The following DLG2 variants were observed in gnomAD, a reference collection of about 807,000 sequenced individuals.
The protein encoded by DLG2 is discs large MAGUK scaffold protein 2.
A neutral mutation model predicts 132.5 loss-of-function variants in DLG2; 45 were observed. The ratio of observed to expected loss-of-function variants is 0.34; its 90% CI spans 0.27 to 0.44. The LOEUF (loss-of-function observed/expected upper bound fraction) is 0.44. DLG2 is among the 20% of genes least tolerant of loss of function. DLG2 has a pLI of 1.00. For synonymous variants in DLG2, 424 were observed against 419.6 expected (o/e 1.01, Z -0.13); for missense variants, 1,045 against 1,196.9 (o/e 0.87, Z 1.87).
chr11:83,753,831 ATATGATATATAT>A (rs2093482494), intron 18 of DLG2, among the ~76,000 whole-genome samples: 1 of 15,242 alleles, frequency 6.6e-5, no homozygotes, highest in African/African-American at 6.2e-4. Flanking sequence ...TTTCATATAT[ATATGATATATAT>A]CATATATATC....
chr11:84,551,063 T>C (rs2099400884), intron 6 of DLG2, among the ~76,000 whole-genome samples: 1 of 152,150 alleles, frequency 6.6e-6, no homozygotes, highest in Non-Finnish European at 1.5e-5. Flanking sequence ...GAGCACCTCA[T>C]AATGAGCTGG....
At chr11:84,307,695 CAAAAAAAA>C (rs1222486667) in intron 7 of DLG2, among the ~76,000 whole-genome samples, 20,100 of 78,142 alleles carry the variant, frequency 0.26, 1,879 homozygotes, top group East Asian at 0.34. Context: ...GACGCAGTCT[CAAAAAAAA>C]AAAAAAAAAA....
At chr11:83,672,320 GACTACA>G (rs1247689588) in intron 18 of DLG2, among the ~76,000 whole-genome samples, 4 of 152,054 alleles carry the variant, frequency 2.6e-5, no homozygotes, top group African/African-American at 7.2e-5. Context: ...AAGTGGTTGG[GACTACA>G]GGCACCACGC....
intron 21 of DLG2, among the ~76,000 whole-genome samples, chr11:83,492,847 C>T (rs2093934908): frequency 6.6e-6 from 1 of 152,094 alleles, no homozygotes; most frequent in Non-Finnish European, 1.5e-5. Flanking sequence ...ATGATATTGA[C>T]CTCAGCTGGT....
At chr11:85,004,342 T>A (rs1040434256) in intron 6 of DLG2, among the ~76,000 whole-genome samples, 3 of 152,194 alleles carry the variant, frequency 2.0e-5, no homozygotes, top group African/African-American at 7.2e-5. Flanking sequence ...ACCAACAGCA[T>A]AAAAGCATTC....
At chr11:84,219,670 C>A (rs998578282) in intron 8 of DLG2, among the ~76,000 whole-genome samples, 3 of 152,112 alleles carry the variant, frequency 2.0e-5, no homozygotes, top group Non-Finnish European at 4.4e-5. Context: ...GTGTTTTCAG[C>A]GAGTGGGAAA....
chr11:85,306,067 A>G (rs978895506), intron 3 of DLG2, among the ~76,000 whole-genome samples: 3 of 152,312 alleles, frequency 2.0e-5, no homozygotes, highest in Admixed American at 1.3e-4. Flanking sequence ...ATGAGATTCA[A>G]TCTTCTCACA....
chr11:85,175,394 A>T (rs2079162592), intron 4 of DLG2, among the ~76,000 whole-genome samples: 2 of 152,188 alleles, frequency 1.3e-5, no homozygotes, highest in Non-Finnish European at 2.9e-5. Flanking sequence ...ACACCAAAAA[A>T]GTCTTCAATA....
At chr11:84,380,705 A>G (rs983808875) in intron 7 of DLG2, among the ~76,000 whole-genome samples, 1 of 151,994 alleles carries the variant, frequency 6.6e-6, no homozygotes, top group African/African-American at 2.4e-5. Context: ...TGGGAAGAAG[A>G]CTGTAAAAAA....
chr11:84,973,479 C>G (rs1425406584), intron 6 of DLG2, among the ~76,000 whole-genome samples: 1 of 152,108 alleles, frequency 6.6e-6, no homozygotes, highest in African/African-American at 2.4e-5. Context: ...CAATCTCTCT[C>G]TCTTAATTCA....
At chr11:83,970,246 A>C (rs1251245438) in intron 12 of DLG2, among the ~76,000 whole-genome samples, 2 of 152,170 alleles carry the variant, frequency 1.3e-5, no homozygotes, top group East Asian at 3.8e-4. Context: ...ACCTTTTGCC[A>C]TTTTTAAGGT....
intron 6 of DLG2, among the ~76,000 whole-genome samples, chr11:84,881,113 C>T (rs76340196): frequency 0.041 from 6,273 of 152,076 alleles, 283 homozygotes; most frequent in East Asian, 0.25. Flanking sequence ...ACTAACCTAC[C>T]AGTGTTGGAA....
intron 6 of DLG2, among the ~76,000 whole-genome samples, chr11:85,032,055 A>C (rs1592986408): frequency 7.3e-6 from 1 of 136,142 alleles, no homozygotes; most frequent in Non-Finnish European, 1.5e-5. Context: ...TGCCCACCCC[A>C]GTCTCCCAAA....
At chr11:84,121,419 C>T (rs1451368654) in intron 9 of DLG2, among the ~76,000 whole-genome samples, 1 of 152,062 alleles carries the variant, frequency 6.6e-6, no homozygotes, top group Admixed American at 6.5e-5. Context: ...AATGGGTCCA[C>T]ATTATACAGT....
At chr11:84,646,671 A>G (rs976229238) in intron 6 of DLG2, among the ~76,000 whole-genome samples, 1 of 152,052 alleles carries the variant, frequency 6.6e-6, no homozygotes, top group Non-Finnish European at 1.5e-5. Context: ...GGTTCAAAAA[A>G]TAACAACCTC....
In DLG2 at chr11:83,966,163, A is replaced by G. The variant is rs568755633; in HGVS notation, c.1057-695T>C. Reference sequence around the variant, plus strand: ...AAGTGAAACTGCTGGACCAAACTATATGAACATTATCAGGGCTTTTGATAC... The same window carrying G: ...AAGTGAAACTGCTGGACCAAACTATGTGAACATTATCAGGGCTTTTGATAC... On this transcript the variant is annotated intron_variant, in intron 12 of 27. Coordinates refer to ENST00000376104, the MANE Select transcript of DLG2 (RefSeq NM_001142699.3). Among the ~76,000 whole-genome samples the G allele has an allele frequency of 3.9e-5, 6 of 152,148 alleles. No individual in the cohort carries two copies. The East Asian group carries it at 5.8e-4, about 15-fold the overall frequency.
At chr11:84,157,614 G>T (rs1351832955) in intron 9 of DLG2, among the ~76,000 whole-genome samples, 1 of 151,974 alleles carries the variant, frequency 6.6e-6, no homozygotes, top group Non-Finnish European at 1.5e-5. Flanking sequence ...CTTTTACATG[G>T]CTTGTTCCCT....
At chr11:84,320,173 A>G (rs769340983) in intron 7 of DLG2, among the ~76,000 whole-genome samples, 35 of 152,206 alleles carry the variant, frequency 2.3e-4, no homozygotes, top group Non-Finnish European at 4.6e-4. Flanking sequence ...GCACAGAGCA[A>G]TGCCTAGATG....
At chr11:84,207,218 T>A (rs987413953) in intron 8 of DLG2, among the ~76,000 whole-genome samples, 2 of 152,116 alleles carry the variant, frequency 1.3e-5, no homozygotes, top group African/African-American at 4.8e-5. Flanking sequence ...GGTAAATTAT[T>A]TTTAAGTTTA....
Sources: gnomAD v4.1 joint callset for allele counts (sites outside exome capture counted in the v4.1 genomes callset) on GRCh38, gnomAD v4.1.1 for gene constraint, MANE v1.5 for transcripts, NCBI Gene and HGNC (gene_info 2026-07-23, HGNC 2026-07-21) for gene names.